The following C9 variants were observed in gnomAD, a reference collection of about 807,000 sequenced individuals.
C9 encodes complement C9.
C9 carries 63 observed loss-of-function variants against 65.4 expected under a neutral mutation model. The ratio of observed to expected loss-of-function variants is 0.96; its 90% CI spans 0.79 to 1.19. The LOEUF (loss-of-function observed/expected upper bound fraction) is 1.19. C9 is among the 50% of genes most tolerant of loss of function. The pLI, the probability that C9 is intolerant of heterozygous loss-of-function variation, is 0.00. For synonymous variants in C9, 229 were observed against 227.9 expected (o/e 1.00, Z -0.04); for missense variants, 744 against 670.1 (o/e 1.11, Z -1.22).
intron 1 of C9, among the ~76,000 whole-genome samples, chr5:39,344,885 G>T (rs906784440): frequency 1.3e-5 from 2 of 152,152 alleles, no homozygotes; most frequent in African/African-American, 4.8e-5. Context: ...TTAAAGAAAA[G>T]AATTTTCAAC....
At chr5:39,337,164 G>T (rs919411910) in intron 4 of C9, among the ~76,000 whole-genome samples, 2 of 152,206 alleles carry the variant, frequency 1.3e-5, no homozygotes, top group African/African-American at 4.8e-5. Context: ...ACGTATGGAA[G>T]TTGAGGATTT....
chr5:39,311,396 G>A lies in C9; in HGVS notation c.871-19C>T. ...TTTTTTCCTGTGTTGTAGAGCAGAT[G>A]AAGAAGAGAAACATGTGTTTTATCC... is the stretch of plus-strand genomic sequence containing the variant. On this transcript the variant is annotated intron_variant, in intron 6 of 10. Transcript: ENST00000263408. 3.1e-6 allele frequency: 5 copies of A among 1,607,484 alleles called. No individual in the cohort carries two copies. The highest frequency in any genetic ancestry group is 4.2e-6 in the Non-Finnish European group (5 of 1,177,154).
At chr5:39,292,368 C>G (rs1579838359) in intron 9 of C9, among the ~76,000 whole-genome samples, 1 of 151,702 alleles carries the variant, frequency 6.6e-6, no homozygotes, top group African/African-American at 2.4e-5. Flanking sequence ...TCCACACAAA[C>G]TGTAAACATA....
intron 1 of C9, among the ~76,000 whole-genome samples, chr5:39,359,665 C>T (rs1445949824): frequency 1.3e-5 from 2 of 152,002 alleles, no homozygotes; most frequent in East Asian, 1.9e-4. Context: ...GCAAAGTGCT[C>T]GATTAGGCTA....
chr5:39,359,912 G>T (rs868244941), intron 1 of C9, among the ~76,000 whole-genome samples: 1 of 152,182 alleles, frequency 6.6e-6, no homozygotes, highest in African/African-American at 2.4e-5. Flanking sequence ...ATAACTGTTT[G>T]CTGTATTAAA....
At chr5:39,351,726 T>A (rs1288685957) in intron 1 of C9, among the ~76,000 whole-genome samples, 1 of 152,188 alleles carries the variant, frequency 6.6e-6, no homozygotes, top group African/African-American at 2.4e-5. Flanking sequence ...CATCTCAGCC[T>A]GGATTTCATT....
At chr5:39,294,537 C>G (rs1382685190) in intron 9 of C9, among the ~76,000 whole-genome samples, 2 of 151,588 alleles carry the variant, frequency 1.3e-5, no homozygotes, top group Non-Finnish European at 1.5e-5. Context: ...ACCTGAATAG[C>G]CTAATAATAA....
chr5:39,358,942 G>A (rs762286858), intron 1 of C9, among the ~76,000 whole-genome samples: 21 of 150,722 alleles, frequency 1.4e-4, no homozygotes, highest in Non-Finnish European at 2.8e-4. Context: ...CCGAGATCGC[G>A]CCACTGCACT....
Position 39,288,800 on chromosome 5 carries a change from T to G in C9, c.1568A>C (p.Asp523Ala). The stretch of plus-strand genomic sequence containing the variant: ...TGGGCAGGCACACAAACACTTTCCA[T>G]CCATTAGAATCACTGTACCTCCATT... ...CQNGGTVILM[D>A]GKCLCACPFK... The change falls in exon 10 of 11, where the codon GAT (aspartate) becomes GCT (alanine). Residue 523 changes from aspartate (D) to alanine (A), a missense_variant. Transcript: ENST00000263408. The G allele has an allele frequency of 6.2e-7, 1 of 1,612,492 alleles. No homozygotes were observed. The highest frequency in any genetic ancestry group is 8.5e-7 in the Non-Finnish European group (1 of 1,178,898).
At chr5:39,291,047 A>G (rs1465821083) in intron 9 of C9, among the ~76,000 whole-genome samples, 1 of 151,962 alleles carries the variant, frequency 6.6e-6, no homozygotes, top group East Asian at 1.9e-4. Flanking sequence ...TTTAGCCCAC[A>G]GTAAAAATAA....
At chr5:39,289,203 A>C (rs1753046221) in intron 9 of C9, among the ~76,000 whole-genome samples, 1 of 151,694 alleles carries the variant, frequency 6.6e-6, no homozygotes. Context: ...TCAAATAGAA[A>C]GTGTGATAGG....
rs956317953 is a variant in C9 at position 39,316,002 on chromosome 5, C to G, written c.643G>C (p.Glu215Gln). 1 of 1,612,082 alleles carries G rather than the reference C, an allele frequency of 6.2e-7. No homozygotes were observed. Among genetic ancestry groups the G allele is most frequent in the Non-Finnish European group, 8.5e-7 (1 of 1,178,990 alleles). ...ETKGEKNFRT[E>Q]HYEEQIEAFK... ...GCTTCAATTTGTTCTTCGTAATGTTCGGTTCTGAAATTTTTCTCGCCTTTG... is the reference window on the plus strand; with the variant it reads ...GCTTCAATTTGTTCTTCGTAATGTTGGGTTCTGAAATTTTTCTCGCCTTTG... The change falls in exon 6 of 11, where the codon GAA becomes CAA. Residue 215 changes from glutamate (E) to glutamine (Q), a missense_variant. Transcript: ENST00000263408.
chr5:39,325,771 C>CAA (rs34079563), intron 5 of C9, among the ~76,000 whole-genome samples: 31,435 of 92,056 alleles, frequency 0.34, 5,031 homozygotes, highest in Non-Finnish European at 0.43. Flanking sequence ...GACTCCATCT[C>CAA]AAAAAAAAAA....
At chr5:39,295,222 G>A (rs1454487935) in intron 9 of C9, among the ~76,000 whole-genome samples, 1 of 151,774 alleles carries the variant, frequency 6.6e-6, no homozygotes, top group South Asian at 2.1e-4. Flanking sequence ...TTAGGCAAGA[G>A]AAAGAAATAA....
At chr5:39,291,029 G>A (rs3776539) in intron 9 of C9, among the ~76,000 whole-genome samples, 59 of 151,918 alleles carry the variant, frequency 3.9e-4, no homozygotes, top group African/African-American at 9.4e-4. Flanking sequence ...ATAATTTTAC[G>A]TACAGTATTT....
At chr5:39,355,636 T>C (rs577741765) in intron 1 of C9, among the ~76,000 whole-genome samples, 17 of 152,346 alleles carry the variant, frequency 1.1e-4, no homozygotes, top group African/African-American at 4.1e-4. Context: ...GGACTAGGAC[T>C]TACATTCTCT....
At chr5:39,333,578 C>CTCTCCCTCTCCCTCTCCCTCTCCG (rs1561347088) in intron 4 of C9, among the ~76,000 whole-genome samples, 2 of 142,560 alleles carry the variant, frequency 1.4e-5, no homozygotes, top group Non-Finnish European at 3.1e-5. Flanking sequence ...CTCCCTCTCC[C>CTCTCCCTCTCCCTCTCCCTCTCCG]TCTCCGTCTC....
In C9 at chr5:39,312,546, C is replaced by T. The variant is rs187835964; in HGVS notation, c.871-1169G>A. Among the ~76,000 whole-genome samples the T allele has an allele frequency of 4.6e-5, 7 of 152,238 alleles. No homozygotes were observed. The East Asian group carries it at 1.2e-3, about 25-fold the overall frequency. On this transcript the variant is annotated intron_variant, in intron 6 of 10. Coordinates refer to ENST00000263408, the MANE Select transcript of C9 (RefSeq NM_001737.5). Reference sequence around the variant, plus strand: ...AGACAGGACAGACAATATTTTGAGACGTGGAACTCAAGTCAGCCTAAGCAA... The same window carrying T: ...AGACAGGACAGACAATATTTTGAGATGTGGAACTCAAGTCAGCCTAAGCAA...
intron 9 of C9, among the ~76,000 whole-genome samples, chr5:39,299,845 A>C (rs1753251611): frequency 6.6e-6 from 1 of 152,138 alleles, no homozygotes; most frequent in African/African-American, 2.4e-5. Context: ...ATCTAATTAC[A>C]TTAAAATGTA....
Sources: gnomAD v4.1 joint callset for allele counts (sites outside exome capture counted in the v4.1 genomes callset) on GRCh38, gnomAD v4.1.1 for gene constraint, MANE v1.5 for transcripts, NCBI Gene and HGNC (gene_info 2026-07-23, HGNC 2026-07-21) for gene names.